The following EPAS1 variants were observed in gnomAD, a reference collection of about 807,000 sequenced individuals.
EPAS1 encodes the protein endothelial PAS domain protein 1.
In EPAS1, 23 loss-of-function variants were observed where a neutral mutation model predicts 87.9. That is an observed-to-expected ratio of 0.26 (90% confidence interval 0.19 to 0.37). The LOEUF (loss-of-function observed/expected upper bound fraction) is 0.37, where lower values mean the gene tolerates loss of function less well. Among genes scored for constraint, EPAS1 ranks in the 10% least tolerant of loss-of-function variants. EPAS1 has a pLI of 1.00. For synonymous variants in EPAS1, 508 were observed against 444.3 expected (o/e 1.14, Z -1.80); for missense variants, 1,138 against 1,120.7 (o/e 1.02, Z -0.22).
Position 46,385,687 on chromosome 2 carries a change from A to G in EPAS1, c.*1027A>G, listed in dbSNP as rs1685004032. ...TATCCCCTCACATTCTCTATGTACT[A>G]TGTATGTATGTATTATTATTATTGC... is the stretch of plus-strand genomic sequence containing the variant. On this transcript the variant is annotated 3_prime_UTR_variant, in exon 16 of 16. Coordinates refer to ENST00000263734, the MANE Select transcript of EPAS1 (RefSeq NM_001430.5). The G allele has an allele frequency of 7.9e-6, 1 of 126,390 alleles. No homozygotes were observed. Among genetic ancestry groups the G allele is most frequent in the South Asian group, 2.7e-4 (1 of 3,714 alleles). The allele number at this position is 126,390 out of a possible 1,614,324, so 7.8% of individuals were successfully genotyped here.
intron 1 of EPAS1, among the ~76,000 whole-genome samples, chr2:46,332,291 C>CGTGTGTGT (rs57893491): frequency 1.6e-3 from 179 of 110,808 alleles, no homozygotes; most frequent in East Asian, 8.8e-3. Flanking sequence ...AAAAAAAATA[C>CGTGTGTGT]GTGTGTGTGT....
chr2:46,366,049 T>C (rs576294819), intron 6 of EPAS1, among the ~76,000 whole-genome samples: 1 of 152,252 alleles, frequency 6.6e-6, no homozygotes, highest in South Asian at 2.1e-4. Flanking sequence ...TTTACTCGTG[T>C]AGGGAACAGG....
At chr2:46,376,931 G>A (rs1232303533) in intron 9 of EPAS1, among the ~76,000 whole-genome samples, 178 bp downstream of exon 9, 1 of 152,144 alleles carries the variant, frequency 6.6e-6, no homozygotes, top group African/African-American at 2.4e-5. Context: ...AACACCACAC[G>A]CTCCTGCCCT....
At chr2:46,323,386 G>A (rs1284376326) in intron 1 of EPAS1, among the ~76,000 whole-genome samples, 1 of 152,208 alleles carries the variant, frequency 6.6e-6, no homozygotes, top group East Asian at 1.9e-4. Flanking sequence ...ACCTGATGAG[G>A]TCTTTTAACA....
intron 1 of EPAS1, among the ~76,000 whole-genome samples, chr2:46,338,327 T>C (rs1391258026): frequency 6.6e-6 from 1 of 152,196 alleles, no homozygotes; most frequent in Admixed American, 6.5e-5. Flanking sequence ...AAGAGTCACA[T>C]GTGGTTGTTT....
chr2:46,304,165 A>C (rs1031956990), intron 1 of EPAS1, among the ~76,000 whole-genome samples: 4 of 152,220 alleles, frequency 2.6e-5, no homozygotes, highest in African/African-American at 9.6e-5. Context: ...TATATTTTGC[A>C]TCAGGACAAC....
intron 1 of EPAS1, among the ~76,000 whole-genome samples, chr2:46,322,738 G>T (rs1227112050): frequency 6.6e-6 from 1 of 152,160 alleles, no homozygotes; most frequent in Non-Finnish European, 1.5e-5. Context: ...AAGCTGAGAG[G>T]CCTCACTCCA....
At chr2:46,344,605 C>T (rs916971084) in intron 1 of EPAS1, among the ~76,000 whole-genome samples, 4 of 151,918 alleles carry the variant, frequency 2.6e-5, no homozygotes, top group African/African-American at 4.8e-5. Context: ...TTAAAATGCA[C>T]GTGGGAGGGA....
chr2:46,376,793 T>G (rs370010749), intron 9 of EPAS1, 40 bp downstream of exon 9: 2 of 1,602,874 alleles, frequency 1.2e-6, no homozygotes, highest in South Asian at 1.1e-5. Flanking sequence ...TGGAACCCCG[T>G]TGGGGCTGGG....
chr2:46,378,128 G>C, intron 10 of EPAS1, 41 bp downstream of exon 10: 1 of 1,557,138 alleles, frequency 6.4e-7, no homozygotes, highest in South Asian at 1.2e-5. Context: ...AGAGGGCTCC[G>C]TATGTATGAC....
In EPAS1 at chr2:46,375,191, A is replaced by AC. The variant is rs1328062468; in HGVS notation, c.887-499_887-498insC. Among the ~76,000 whole-genome samples, 557 of 118,412 alleles carry AC rather than the reference A, an allele frequency of 4.7e-3. 6 individuals carry two copies. The highest frequency in any genetic ancestry group is 0.013 in the African/African-American group (365 of 27,338). The allele number at this position is 118,412 out of a possible 152,430, so 77.7% of individuals were successfully genotyped here. A position where few individuals can be genotyped will look rare whatever the true frequency, so the allele number is the denominator to read the frequency against. On this transcript the variant is annotated intron_variant, in intron 7 of 15. Coordinates refer to ENST00000263734, the MANE Select transcript of EPAS1 (RefSeq NM_001430.5). This position sits in a 1 kb window ranked among gnomAD's most constrained non-coding sequence, Gnocchi z 4.1. ...GGTGGGTCTGCTGAAAAAAAAAAACAAAAAAAAACAAAAAAAACTGCCCTG... is the reference window on the plus strand; with the variant it reads ...GGTGGGTCTGCTGAAAAAAAAAAACACAAAAAAAACAAAAAAAACTGCCCTG...
Position 46,346,615 on chromosome 2 carries a change from C to T in EPAS1, c.27-258C>T, listed in dbSNP as rs939193090. Among the ~76,000 whole-genome samples, 9 of 152,228 alleles carry T rather than the reference C, an allele frequency of 5.9e-5. No individual in the cohort carries two copies. The highest frequency in any genetic ancestry group is 1.9e-4 in the African/African-American group (8 of 41,450). On this transcript the variant is annotated intron_variant, in intron 1 of 15. Coordinates refer to ENST00000263734, the MANE Select transcript of EPAS1 (RefSeq NM_001430.5). The surrounding 1 kb of genome is among the most constrained non-coding windows in gnomAD (Gnocchi z 4.0). ...AATCAGCCAGTCTTTGCCCAGACTCCACCCATGTGAAGCCCTGTTCTGGCC... is the reference window on the plus strand; with the variant it reads ...AATCAGCCAGTCTTTGCCCAGACTCTACCCATGTGAAGCCCTGTTCTGGCC...
chr2:46,380,564 T>TG lies in EPAS1; in HGVS notation c.1898dup (p.Arg634GlnfsTer82). 2 of 1,614,090 alleles carry TG rather than the reference T, an allele frequency of 1.2e-6. No individual in the cohort carries two copies. Among genetic ancestry groups the TG allele is most frequent in the Non-Finnish European group, 1.7e-6 (2 of 1,179,996 alleles). ...CAGGCCAGCACCCCTCTCTCTTCCA[T>TG]GGGGGGCAGATCCAATACCCAGTGG... On this transcript the variant is annotated frameshift_variant, in exon 12 of 16. Coordinates refer to ENST00000263734, the MANE Select transcript of EPAS1 (RefSeq NM_001430.5). LOFTEE classifies it high-confidence loss of function. This position sits in a 1 kb window ranked among gnomAD's most constrained non-coding sequence, Gnocchi z 4.4.
intron 1 of EPAS1, among the ~76,000 whole-genome samples, chr2:46,326,138 C>T (rs888320317): frequency 1.3e-5 from 2 of 152,210 alleles, no homozygotes; most frequent in Non-Finnish European, 2.9e-5. Flanking sequence ...TAGCCTAGTT[C>T]TCCCTCCTGT....
chr2:46,350,160 G>A (rs6544889), intron 2 of EPAS1, among the ~76,000 whole-genome samples: 93,067 of 152,110 alleles, frequency 0.61, 30,263 homozygotes, highest in East Asian at 0.87. Flanking sequence ...AGAAAACCCA[G>A]TGTAAATTCT....
At chr2:46,359,018 T>C (rs970319859) in intron 4 of EPAS1, among the ~76,000 whole-genome samples, 3 of 151,992 alleles carry the variant, frequency 2.0e-5, no homozygotes, top group African/African-American at 7.3e-5. Context: ...CCCAGGACTT[T>C]CGGAGGCCAA....
At chr2:46,309,716 G>T (rs577564846) in intron 1 of EPAS1, among the ~76,000 whole-genome samples, 1 of 152,358 alleles carries the variant, frequency 6.6e-6, no homozygotes, top group East Asian at 1.9e-4. Flanking sequence ...TGGTGAGCCA[G>T]TTCCTTCCAG....
Position 46,375,643 on chromosome 2 carries a change from A to G in EPAS1, c.887-47A>G, listed in dbSNP as rs764764099. Reference sequence around the variant, plus strand: ...GCGATCTGCTGAGCCTGTGGTGCACACCCCTGCCCCACCTCCCTAAGCTCA... The same window carrying G: ...GCGATCTGCTGAGCCTGTGGTGCACGCCCCTGCCCCACCTCCCTAAGCTCA... On this transcript the variant is annotated intron_variant, in intron 7 of 15. Transcript: ENST00000263734. This position sits in a 1 kb window ranked among gnomAD's most constrained non-coding sequence, Gnocchi z 4.1. The G allele has an allele frequency of 6.3e-7, 1 of 1,599,064 alleles. No homozygotes were observed. Among genetic ancestry groups the G allele is most frequent in the Non-Finnish European group, 8.5e-7 (1 of 1,172,158 alleles).
chr2:46,362,599 C>T (rs1684415924), intron 6 of EPAS1, among the ~76,000 whole-genome samples: 1 of 152,198 alleles, frequency 6.6e-6, no homozygotes, highest in African/African-American at 2.4e-5. Flanking sequence ...GGCCTACCCA[C>T]TTTTCTCTTA....
Sources: allele counts gnomAD v4.1 joint callset (sites outside exome capture counted in the v4.1 genomes callset), GRCh38; gene constraint gnomAD v4.1.1; non-coding constraint Gnocchi (gnomAD v3.1); transcripts MANE v1.5; gene names NCBI Gene and HGNC (gene_info 2026-07-23, HGNC 2026-07-21).